Variants in ANKS1A observed in about 807,000 individuals in gnomAD.
ANKS1A encodes the protein ankyrin repeat and sterile alpha motif domain containing 1A.
A neutral mutation model predicts 120.3 loss-of-function variants in ANKS1A; 55 were observed. The observed-to-expected ratio is 0.46, with a 90% CI of 0.37 to 0.57. The LOEUF (loss-of-function observed/expected upper bound fraction) is 0.57. Among genes scored for constraint, ANKS1A ranks in the 20% least tolerant of loss-of-function variants. The pLI is 0.00. For missense variants in ANKS1A, 1,123 were observed against 1,480.3 expected, an observed-to-expected ratio of 0.76 and a Z score of 3.96; for synonymous variants, 590 against 604.7, an observed-to-expected ratio of 0.98 and a Z score of 0.36.
At position 35,086,291 on chromosome 6, in the gene ANKS1A, C is replaced by G; in HGVS notation, c.3303+355C>G. ...CCAGGTGCCGCTGCCCCCCGATAGT[C>G]GCTGTTGTTACTGTCACACCTGCAC... On this transcript the variant is annotated intron_variant, in intron 22 of 23. Transcript: ENST00000360359. This position sits in a 1 kb window ranked among gnomAD's most constrained non-coding sequence, Gnocchi z 5.1. 1 of 1,317,734 alleles carries G rather than the reference C, an allele frequency of 7.6e-7. No individual in the cohort carries two copies. The highest frequency in any genetic ancestry group is 9.9e-7 in the Non-Finnish European group (1 of 1,007,966). 81.6% of individuals were successfully genotyped at this position (1,317,734 alleles called of 1,614,324 possible).
At chr6:34,974,464 T>G (rs1771453930) in intron 3 of ANKS1A, among the ~76,000 whole-genome samples, 1 of 150,228 alleles carries the variant, frequency 6.7e-6, no homozygotes, top group Non-Finnish European at 1.5e-5. Context: ...GGTCTCCCTC[T>G]GTTGCCCAGG....
At chr6:34,941,261 C>T (rs1352348853) in intron 1 of ANKS1A, among the ~76,000 whole-genome samples, 2 of 152,172 alleles carry the variant, frequency 1.3e-5, no homozygotes, top group African/African-American at 4.8e-5. Context: ...GTTGGGATTA[C>T]AGGTGTGAGC....
chr6:34,971,896 A>G (rs1771203295), intron 3 of ANKS1A, among the ~76,000 whole-genome samples: 1 of 152,224 alleles, frequency 6.6e-6, no homozygotes, highest in Non-Finnish European at 1.5e-5. Context: ...ATTTAAAATC[A>G]TCAGTGAGGA....
chr6:35,017,089 C>A (rs747193806), intron 10 of ANKS1A, among the ~76,000 whole-genome samples: 8 of 152,116 alleles, frequency 5.3e-5, no homozygotes, highest in Admixed American at 2.0e-4. Context: ...CTTACTTTTG[C>A]TTCATGTTCA....
chr6:35,007,201 G>A (rs1287684086), intron 10 of ANKS1A, among the ~76,000 whole-genome samples: 1 of 152,166 alleles, frequency 6.6e-6, no homozygotes, highest in Admixed American at 6.5e-5. Context: ...TGGGGACCAG[G>A]AATGCTAAGC....
At chr6:34,931,843 T>G (rs1005546468) in intron 1 of ANKS1A, among the ~76,000 whole-genome samples, 2 of 152,340 alleles carry the variant, frequency 1.3e-5, no homozygotes, top group African/African-American at 4.8e-5. Flanking sequence ...TGCAGAGAGC[T>G]AAAAGGCAGG....
At chr6:35,002,732 C>T (rs1196395127) in intron 10 of ANKS1A, among the ~76,000 whole-genome samples, 1 of 151,828 alleles carries the variant, frequency 6.6e-6, no homozygotes, top group Non-Finnish European at 1.5e-5. Context: ...AAAGAATCAC[C>T]CTGATCATTT....
intron 13 of ANKS1A, among the ~76,000 whole-genome samples, chr6:35,065,084 A>G (rs908838798): frequency 6.6e-6 from 1 of 152,164 alleles, no homozygotes; most frequent in African/African-American, 2.4e-5. Context: ...ATGCTGCACC[A>G]GGGCCTCACC....
intron 10 of ANKS1A, among the ~76,000 whole-genome samples, chr6:35,008,130 T>A (rs187906370): frequency 2.6e-5 from 4 of 152,328 alleles, no homozygotes; most frequent in Admixed American, 6.5e-5. Context: ...CCCAGGAGTA[T>A]GTTTGGATGC....
intron 1 of ANKS1A, among the ~76,000 whole-genome samples, chr6:34,939,918 A>G (rs1033250867): frequency 4.6e-5 from 7 of 152,170 alleles, no homozygotes; most frequent in Non-Finnish European, 1.0e-4. Flanking sequence ...TGTTCATCTA[A>G]GAAATATGGT....
intron 1 of ANKS1A, among the ~76,000 whole-genome samples, chr6:34,945,990 T>A (rs1214183008): frequency 6.7e-6 from 1 of 149,272 alleles, no homozygotes; most frequent in Admixed American, 6.6e-5. Flanking sequence ...TTTATTTTTT[T>A]TTTTTTTTGA....
At position 35,032,209 on chromosome 6, in the gene ANKS1A, C is replaced by T. The variant is rs143697396; in HGVS notation, c.2010+14150C>T. 5.9e-3 allele frequency among the ~76,000 whole-genome samples: 891 copies of T among 152,264 alleles called. 7 individuals are homozygous for T. The highest frequency in any genetic ancestry group is 0.02 in the African/African-American group (834 of 41,566). On this transcript the variant is annotated intron_variant, in intron 11 of 23. Coordinates refer to ENST00000360359, the MANE Select transcript of ANKS1A (RefSeq NM_015245.3). The stretch of plus-strand genomic sequence containing the variant: ...AGGTGTGGGAGGTGAGGTGAGGCCC[C>T]ATTAGATGGACTGGCCATGAGGCCT...
At chr6:35,027,086 A>G (rs1774664419) in intron 11 of ANKS1A, among the ~76,000 whole-genome samples, 1 of 152,222 alleles carries the variant, frequency 6.6e-6, no homozygotes, top group Non-Finnish European at 1.5e-5. Context: ...CAGAAATAAA[A>G]TCTGAAAACC....
At chr6:34,909,158 CTCCACCG>C (rs1419429178) in intron 1 of ANKS1A, among the ~76,000 whole-genome samples, 1 of 152,132 alleles carries the variant, frequency 6.6e-6, no homozygotes, top group Non-Finnish European at 1.5e-5. Context: ...GTTTCTTTTT[CTCCACCG>C]TACACCCATG....
intron 13 of ANKS1A, among the ~76,000 whole-genome samples, chr6:35,064,490 A>G (rs820079): frequency 0.42 from 64,006 of 151,950 alleles, 14,005 homozygotes; most frequent in East Asian, 0.62. Flanking sequence ...AATGACAGAT[A>G]AAGAGAGGCC....
chr6:34,984,394 C>T (rs755873201), intron 7 of ANKS1A, among the ~76,000 whole-genome samples: 44 of 152,184 alleles, frequency 2.9e-4, no homozygotes, highest in Non-Finnish European at 4.7e-4. Context: ...CAGGGAGATA[C>T]GGGCTGAAGG....
chr6:34,994,639 G>A (rs752985958), intron 10 of ANKS1A, among the ~76,000 whole-genome samples: 84 of 152,116 alleles, frequency 5.5e-4, no homozygotes, highest in African/African-American at 1.7e-3. Context: ...TTCAGTATGC[G>A]AAGCAAGGAA....
intron 8 of ANKS1A, among the ~76,000 whole-genome samples, chr6:34,986,532 C>T (rs564899980): frequency 6.6e-6 from 1 of 152,318 alleles, no homozygotes; most frequent in African/African-American, 2.4e-5. Context: ...AGGGGCTGGC[C>T]TTTCCCTTTT....
chr6:35,009,970 C>A, intron 10 of ANKS1A: 1 of 253,582 alleles, frequency 3.9e-6, no homozygotes, highest in South Asian at 3.6e-5. Context: ...TTGAAGAGGT[C>A]CAAAACAGAA....
Sources: allele counts gnomAD v4.1 joint callset (sites outside exome capture counted in the v4.1 genomes callset), GRCh38; gene constraint gnomAD v4.1.1; non-coding constraint Gnocchi (gnomAD v3.1); transcripts MANE v1.5; gene names NCBI Gene and HGNC (gene_info 2026-07-23, HGNC 2026-07-21).